The following NCS1 variants were observed in gnomAD, a reference collection of about 807,000 sequenced individuals.
NCS1 encodes frequenin homolog.
Under a neutral mutation model 28.4 loss-of-function variants are expected in NCS1, and 6 were observed. The ratio of observed to expected loss-of-function variants is 0.21; its 90% CI spans 0.12 to 0.42. NCS1 has a LOEUF of 0.42. NCS1 is among the 10% of genes least tolerant of loss of function. The pLI, the probability that NCS1 is intolerant of heterozygous loss-of-function variation, is 1.00. For synonymous variants in NCS1, 86 were observed against 99.3 expected (o/e 0.87, Z 0.79); for missense variants, 131 against 241.4 (o/e 0.54, Z 3.03).
chr9:130,172,685 T>C lies in NCS1; in HGVS notation c.22T>C (p.Leu8=). The C allele has an allele frequency of 6.7e-7, 1 of 1,501,620 alleles. No homozygotes were observed. The highest frequency in any genetic ancestry group is 8.9e-7 in the Non-Finnish European group (1 of 1,119,100). The allele number at this position is 1,501,620 out of a possible 1,614,324, so 93.0% of individuals were successfully genotyped here. MGKSNSK[L]KPEVVEELTR... is the part of the protein sequence containing the mutation. ...GAGGATGGGGAAATCCAACAGCAAG[T>C]TGAAGCCCGAAGTTGTGGAGGAGCT... The change falls in exon 1 of 8, where the codon TTG becomes CTG. Residue 8 remains leucine, a synonymous_variant. Transcript: ENST00000372398.
rs1554912618 is a variant in NCS1 at position 130,234,510 on chromosome 9, C to T, written c.*1538C>T. On this transcript the variant is annotated 3_prime_UTR_variant, in exon 8 of 8. Transcript: ENST00000372398. This position sits in a 1 kb window ranked among gnomAD's most constrained non-coding sequence, Gnocchi z 6.1. ...CTGCCCTCTCTGGGTCTCAGTTGCC[C>T]CATCTGCAGAGCGAGGAGGCCCGGG... The T allele has an allele frequency of 6.6e-6, 1 of 152,344 alleles. No individual in the cohort carries two copies. The highest frequency in any genetic ancestry group is 1.5e-5 in the Non-Finnish European group (1 of 68,140). The allele number at this position is 152,344 out of a possible 1,614,324, so 9.4% of individuals were successfully genotyped here.
chr9:130,211,766 G>A (rs966710878), intron 2 of NCS1, among the ~76,000 whole-genome samples: 2 of 152,160 alleles, frequency 1.3e-5, no homozygotes, highest in Admixed American at 6.5e-5. Context: ...GGAGTGGGCG[G>A]TGCAGGTTTG....
In NCS1 at chr9:130,215,695, G is replaced by T. The variant is rs1403024551; in HGVS notation, c.90-2137G>T. On this transcript the variant is annotated intron_variant, in intron 2 of 7. Transcript: ENST00000372398. This position sits in a 1 kb window ranked among gnomAD's most constrained non-coding sequence, Gnocchi z 4.2. ...ACCACCCTCTCAGCACAGTGCCTGG[G>T]TTTGGGCTGCTATTATGGGCTGTTA... Among the ~76,000 whole-genome samples, 1 of 152,198 alleles carries T rather than the reference G, an allele frequency of 6.6e-6. No individual in the cohort carries two copies. The highest frequency in any genetic ancestry group is 1.5e-5 in the Non-Finnish European group (1 of 68,034).
chr9:130,223,014 C>T lies in NCS1; in HGVS notation c.397-68C>T, dbSNP rs574578330. 4.7e-4 allele frequency: 649 copies of T among 1,373,376 alleles called. 1 individual carries two copies. Among genetic ancestry groups the T allele is most frequent in the Non-Finnish European group, 6.4e-4 (619 of 966,962 alleles). The allele number at this position is 1,373,376 out of a possible 1,614,324, so 85.1% of individuals were successfully genotyped here. ...TCTGGAAACTGCCAGGTCTGGGGGG[C>T]AAATGCGTGGCCAAGAGCCCAAAGC... On this transcript the variant is annotated intron_variant, in intron 5 of 7. Transcript: ENST00000372398.
chr9:130,176,194 CTTTTTT>C (rs35934993), intron 1 of NCS1, among the ~76,000 whole-genome samples: 2 of 50,138 alleles, frequency 4.0e-5, no homozygotes, highest in African/African-American at 2.3e-4. Flanking sequence ...TTCTTTCTTT[CTTTTTT>C]TTTTTTTTTG....
At position 130,215,321 on chromosome 9, in the gene NCS1, G is replaced by C. The variant is rs1035204078; in HGVS notation, c.90-2511G>C. On this transcript the variant is annotated intron_variant, in intron 2 of 7. Coordinates refer to ENST00000372398, the MANE Select transcript of NCS1 (RefSeq NM_014286.4). This position sits in a 1 kb window ranked among gnomAD's most constrained non-coding sequence, Gnocchi z 4.2. ...AGGCAGGTTTAAGGGCCAGGACGGG[G>C]GTGGCTGTGTCCCTTCCTCCTGCTG... is the stretch of plus-strand genomic sequence containing the variant. 6.6e-6 allele frequency among the ~76,000 whole-genome samples: 1 copy of C among 152,166 alleles called. No individual in the cohort carries two copies. The highest frequency in any genetic ancestry group is 2.4e-5 in the African/African-American group (1 of 41,446).
At chr9:130,190,462 G>A (rs1172022606) in intron 1 of NCS1, among the ~76,000 whole-genome samples, 6 of 152,158 alleles carry the variant, frequency 3.9e-5, no homozygotes, top group African/African-American at 1.4e-4. Flanking sequence ...AGAAAACCAA[G>A]GGAGGTTAAC....
intron 1 of NCS1, among the ~76,000 whole-genome samples, chr9:130,196,096 AC>A (rs1832875151): frequency 6.6e-6 from 1 of 151,964 alleles, no homozygotes; most frequent in Admixed American, 6.6e-5. Context: ...GGGAAGCTGA[AC>A]CCCCAAATTG....
intron 7 of NCS1, among the ~76,000 whole-genome samples, chr9:130,229,753 C>A (rs1183153106): frequency 6.6e-6 from 1 of 152,116 alleles, no homozygotes; most frequent in Non-Finnish European, 1.5e-5. Context: ...GGCCTTCTTT[C>A]TTCTATAGGG....
At chr9:130,211,815 C>G (rs1355893996) in intron 2 of NCS1, among the ~76,000 whole-genome samples, 1 of 152,176 alleles carries the variant, frequency 6.6e-6, no homozygotes, top group Non-Finnish European at 1.5e-5. Flanking sequence ...CTCAACAGCC[C>G]GTGGCCTGTC....
intron 1 of NCS1, among the ~76,000 whole-genome samples, chr9:130,187,980 G>A (rs1381730204): frequency 2.0e-5 from 3 of 152,204 alleles, no homozygotes; most frequent in Non-Finnish European, 4.4e-5. Context: ...GGACTAGGGT[G>A]GGGGAGGCAG....
chr9:130,224,568 A>T (rs1233422894), intron 6 of NCS1, among the ~76,000 whole-genome samples: 7 of 151,194 alleles, frequency 4.6e-5, no homozygotes, highest in Admixed American at 6.6e-5. Context: ...AAAGAAAAAA[A>T]ATAAAATAAA....
At chr9:130,228,054 G>A (rs1319395097) in intron 7 of NCS1, among the ~76,000 whole-genome samples, 1 of 152,228 alleles carries the variant, frequency 6.6e-6, no homozygotes, top group African/African-American at 2.4e-5. Flanking sequence ...CCTGCACAGG[G>A]CTGCCTCACA....
chr9:130,184,116 C>A (rs1198133508), intron 1 of NCS1, among the ~76,000 whole-genome samples: 1 of 152,068 alleles, frequency 6.6e-6, no homozygotes, highest in Non-Finnish European at 1.5e-5. Flanking sequence ...GGCGTCTTTT[C>A]TTTTCTTTCT....
At chr9:130,185,195 G>C (rs1280220992) in intron 1 of NCS1, among the ~76,000 whole-genome samples, 1 of 152,152 alleles carries the variant, frequency 6.6e-6, no homozygotes, top group African/African-American at 2.4e-5. Flanking sequence ...ATGTTTCATA[G>C]TCCCCCTTGA....
At chr9:130,223,717 C>T (rs909787118) in intron 6 of NCS1, among the ~76,000 whole-genome samples, 24 of 152,020 alleles carry the variant, frequency 1.6e-4, no homozygotes, top group African/African-American at 4.8e-4. Context: ...TGTTGGGGAC[C>T]GTCGCCTAGG....
At chr9:130,195,879 G>T (rs1227242480) in intron 1 of NCS1, among the ~76,000 whole-genome samples, 1 of 152,242 alleles carries the variant, frequency 6.6e-6, no homozygotes, top group African/African-American at 2.4e-5. Context: ...AACAAGCTGT[G>T]CAAGGACTGC....
chr9:130,173,818 C>T (rs921115648), intron 1 of NCS1, among the ~76,000 whole-genome samples: 3 of 152,200 alleles, frequency 2.0e-5, no homozygotes, highest in African/African-American at 7.2e-5. Context: ...GTGCATTGCA[C>T]AACCTCTGCT....
At chr9:130,223,184 C>T in intron 6 of NCS1, 25 bp downstream of exon 6, 17 of 1,605,514 alleles carry the variant, frequency 1.1e-5, no homozygotes, top group Non-Finnish European at 1.4e-5. Flanking sequence ...CGGGGCTGGT[C>T]CTGGACCAGG....
Sources: gnomAD v4.1 joint callset for allele counts (sites outside exome capture counted in the v4.1 genomes callset) on GRCh38, gnomAD v4.1.1 for gene constraint, Gnocchi (gnomAD v3.1) non-coding constraint, MANE v1.5 for transcripts, NCBI Gene and HGNC (gene_info 2026-07-23, HGNC 2026-07-21) for gene names.